EYS: variants seen among roughly 807,000 people sequenced by gnomAD.
EYS encodes the protein EGF-like photoreceptor maintenance factor.
In EYS, 250 loss-of-function variants were observed where a neutral mutation model predicts 282.1. That is an observed-to-expected ratio of 0.89 (90% CI 0.80 to 0.98). EYS has a LOEUF of 0.98. EYS is among the 50% of genes least tolerant of loss of function. The probability of loss-of-function intolerance (pLI) is 0.00; values close to 1 mark genes in which losing one functional copy is unlikely to be tolerated. For missense variants in EYS, 4,016 were observed against 3,709.0 expected, an observed-to-expected ratio of 1.08 and a Z score of -2.15; for synonymous variants, 1,355 against 1,282.9, an observed-to-expected ratio of 1.06 and a Z score of -1.20.
intron 29 of EYS, among the ~76,000 whole-genome samples, chr6:64,332,813 T>C (rs1264820343): frequency 6.6e-6 from 1 of 152,206 alleles, no homozygotes; most frequent in African/African-American, 2.4e-5. Flanking sequence ...GATAGATAAG[T>C]AAATGTGGAT....
intron 5 of EYS, among the ~76,000 whole-genome samples, chr6:65,483,943 G>A (rs1765695358): frequency 6.6e-6 from 1 of 152,074 alleles, no homozygotes; most frequent in African/African-American, 2.4e-5. Flanking sequence ...AGAACAGCAT[G>A]GGAAAGATGT....
chr6:64,674,585 T>A (rs9363085), intron 22 of EYS, among the ~76,000 whole-genome samples: 3,151 of 152,166 alleles, frequency 0.021, 75 homozygotes, highest in East Asian at 0.11. Flanking sequence ...CTGTCATATT[T>A]ACTATTATCT....
At chr6:64,306,796 A>G (rs770244926) in intron 30 of EYS, among the ~76,000 whole-genome samples, 174 bp downstream of exon 30, 4 of 152,228 alleles carry the variant, frequency 2.6e-5, no homozygotes, top group Admixed American at 1.3e-4. Flanking sequence ...TAATTGGGAT[A>G]TAACTTAAAA....
intron 26 of EYS, among the ~76,000 whole-genome samples, chr6:64,529,969 C>A (rs1426840679): frequency 1.3e-5 from 2 of 152,040 alleles, no homozygotes; most frequent in Non-Finnish European, 2.9e-5. Context: ...TGGCTGGTCA[C>A]TTGAAATTTG....
chr6:64,127,532 A>T (rs1375839165), intron 31 of EYS, among the ~76,000 whole-genome samples: 1 of 152,102 alleles, frequency 6.6e-6, no homozygotes, highest in African/African-American at 2.4e-5. Context: ...GTTCAAAATG[A>T]TTTCTCCATG....
rs144937552 is a variant in EYS at position 65,041,063 on chromosome 6, G to A, written c.2137+16551C>T. Among the ~76,000 whole-genome samples the A allele has an allele frequency of 7.3e-5, 11 of 151,666 alleles. No individual in the cohort carries two copies. The East Asian group carries it at 2.1e-3, about 30-fold the overall frequency. ...TACAGTTTCTCTGTTTTCACTTTTG[G>A]GTACAGTTTTTCTTGATTCAGAGAC... On this transcript the variant is annotated intron_variant, in intron 13 of 42. Coordinates refer to ENST00000503581, the MANE Select transcript of EYS (RefSeq NM_001142800.2).
intron 26 of EYS, among the ~76,000 whole-genome samples, chr6:64,543,871 C>G (rs1764762799): frequency 6.6e-6 from 1 of 152,126 alleles, no homozygotes; most frequent in Non-Finnish European, 1.5e-5. Context: ...GCTAAGAGAT[C>G]TTAAGGTATC....
At chr6:63,978,433 T>C (rs980753153) in intron 35 of EYS, among the ~76,000 whole-genome samples, 3 of 151,998 alleles carry the variant, frequency 2.0e-5, no homozygotes, top group African/African-American at 7.2e-5. Flanking sequence ...GGATGTAGAC[T>C]ACAGACAGAA....
chr6:64,674,618 A>C (rs1302472300), intron 22 of EYS, among the ~76,000 whole-genome samples: 1 of 152,072 alleles, frequency 6.6e-6, no homozygotes, highest in Non-Finnish European at 1.5e-5. Flanking sequence ...CACACTGTTA[A>C]TTGCCTAAGG....
chr6:64,466,827 A>G (rs554406113), intron 26 of EYS, among the ~76,000 whole-genome samples: 6 of 152,294 alleles, frequency 3.9e-5, no homozygotes, highest in African/African-American at 1.4e-4. Context: ...CAATTTATAG[A>G]TATTTCAAAA....
intron 14 of EYS, among the ~76,000 whole-genome samples, chr6:64,995,414 A>G (rs1017274984): frequency 6.6e-6 from 1 of 152,110 alleles, no homozygotes; most frequent in African/African-American, 2.4e-5. Flanking sequence ...CAAAAAGTAA[A>G]ACAGTTTTTC....
At chr6:63,984,685 T>C (rs1582080459) in intron 34 of EYS, 82 bp from the exon 35 acceptor site, 11 of 1,098,818 alleles carry the variant, frequency 1.0e-5, no homozygotes, top group South Asian at 7.0e-5. Flanking sequence ...GGTTCTGTAA[T>C]TGGATGTGTT....
intron 2 of EYS, among the ~76,000 whole-genome samples, chr6:65,576,658 A>G (rs1348131280): frequency 1.3e-5 from 2 of 151,916 alleles, no homozygotes; most frequent in South Asian, 2.1e-4. Context: ...TTCAGATTAC[A>G]TAATCTTATA....
intron 31 of EYS, among the ~76,000 whole-genome samples, chr6:64,203,389 A>G (rs1765522113): frequency 6.6e-6 from 1 of 152,256 alleles, no homozygotes; most frequent in Non-Finnish European, 1.5e-5. Flanking sequence ...GGATGCAGGA[A>G]CCTAGTCACG....
At chr6:64,395,353 T>C (rs549841833) in intron 28 of EYS, among the ~76,000 whole-genome samples, 1 of 152,284 alleles carries the variant, frequency 6.6e-6, no homozygotes, top group African/African-American at 2.4e-5. Flanking sequence ...TGCAGCATTA[T>C]TCACAATAGC....
At chr6:64,031,667 C>G (rs1468964982) in intron 33 of EYS, among the ~76,000 whole-genome samples, 1 of 152,094 alleles carries the variant, frequency 6.6e-6, no homozygotes, top group Non-Finnish European at 1.5e-5. Flanking sequence ...GTGTCTAGCT[C>G]AGGGTTTGTG....
At chr6:64,864,965 G>C (rs371492986) in intron 19 of EYS, among the ~76,000 whole-genome samples, 1 of 151,990 alleles carries the variant, frequency 6.6e-6, no homozygotes, top group East Asian at 2.0e-4. Context: ...CTGAGAGGCA[G>C]AGGTTGCAGT....
chr6:64,071,601 T>G (rs1771582721), intron 32 of EYS, among the ~76,000 whole-genome samples: 1 of 149,624 alleles, frequency 6.7e-6, no homozygotes, highest in Non-Finnish European at 1.5e-5. Flanking sequence ...TAAAGAATAA[T>G]TTTTAAAAGG....
chr6:64,935,005 G>A (rs1408857448), intron 15 of EYS, among the ~76,000 whole-genome samples: 3 of 151,628 alleles, frequency 2.0e-5, no homozygotes, highest in Admixed American at 6.6e-5. Flanking sequence ...AATAAAACAA[G>A]GGAGTAAAAA....
Sources: allele counts gnomAD v4.1 joint callset (sites outside exome capture counted in the v4.1 genomes callset), GRCh38; gene constraint gnomAD v4.1.1; transcripts MANE v1.5; gene names NCBI Gene and HGNC (gene_info 2026-07-23, HGNC 2026-07-21).